Variants in SHISA9 observed in about 807,000 individuals in gnomAD.
SHISA9 encodes protein shisa-9.
Under a neutral mutation model 38.0 loss-of-function variants are expected in SHISA9, and 13 were observed. The ratio of observed to expected loss-of-function variants is 0.34; its 90% CI spans 0.22 to 0.54. SHISA9 has a LOEUF of 0.54. SHISA9 is among the 20% of genes least tolerant of loss of function. SHISA9 has a pLI of 0.91. For synonymous variants in SHISA9, 275 were observed against 242.0 expected (o/e 1.14, Z -1.27); for missense variants, 538 against 575.8 (o/e 0.93, Z 0.67).
chr16:13,243,367 A>G (rs528646013), downstream of SHISA9, among the ~76,000 whole-genome samples: 6 of 152,272 alleles, frequency 3.9e-5, no homozygotes, highest in African/African-American at 1.4e-4. Context: ...TATACATTTT[A>G]GGGAGACATG....
At chr16:13,555,368 T>A in the SHISA9 span, among the ~76,000 whole-genome samples, 3 of 152,174 alleles carry the variant, frequency 2.0e-5, no homozygotes, top group African/African-American at 7.2e-5. Context: ...AAAGATGGTA[T>A]AACCTTCCTC....
At chr16:13,140,883 G>A (rs2050396369) in intron 2 of SHISA9, among the ~76,000 whole-genome samples, 1 of 152,184 alleles carries the variant, frequency 6.6e-6, no homozygotes, top group Non-Finnish European at 1.5e-5. Flanking sequence ...AAGTCACAGA[G>A]CATGTCTGGC....
the SHISA9 span, among the ~76,000 whole-genome samples, chr16:13,373,997 C>T: frequency 2.0e-5 from 3 of 152,114 alleles, no homozygotes; most frequent in African/African-American, 7.2e-5. Flanking sequence ...TGGTAATGAT[C>T]ACTTGGGGAA....
the SHISA9 span, among the ~76,000 whole-genome samples, chr16:13,560,641 G>T: frequency 0.11 from 16,848 of 151,636 alleles, 1,083 homozygotes; most frequent in Middle Eastern, 0.17. Flanking sequence ...TAGGGATACA[G>T]AGGTGAAAAA....
intron 2 of SHISA9, among the ~76,000 whole-genome samples, chr16:13,070,123 CGTGTGTGTGT>C (rs55824636): frequency 6.9e-5 from 10 of 145,720 alleles, no homozygotes; most frequent in Non-Finnish European, 1.1e-4. Flanking sequence ...CTTTAAAGTA[CGTGTGTGTGT>C]GTGTGTGTGT....
chr16:13,405,534 T>G, the SHISA9 span, among the ~76,000 whole-genome samples: 2 of 152,336 alleles, frequency 1.3e-5, no homozygotes, highest in African/African-American at 4.8e-5. Flanking sequence ...CCTAGGTATA[T>G]TGCATGATGC....
rs143502254 is a variant in SHISA9 at position 13,031,460 on chromosome 16, G to C, written c.691+114645G>C. ...GCCAGTATGATACAGGCACCAACCAGTAACTGTGCAAAGGCTTATATTTCA... is the reference window on the plus strand; with the variant it reads ...GCCAGTATGATACAGGCACCAACCACTAACTGTGCAAAGGCTTATATTTCA... On this transcript the variant is annotated intron_variant, in intron 2 of 4. Coordinates refer to ENST00000558583, the MANE Select transcript of SHISA9 (RefSeq NM_001145204.3). Among the ~76,000 whole-genome samples the C allele has an allele frequency of 2.1e-3, 325 of 152,282 alleles. 1 individual carries two copies. The highest frequency in any genetic ancestry group is 7.3e-3 in the African/African-American group (303 of 41,552).
At chr16:13,260,732 C>T in the SHISA9 span, among the ~76,000 whole-genome samples, 1 of 152,186 alleles carries the variant, frequency 6.6e-6, no homozygotes, top group South Asian at 2.1e-4. Flanking sequence ...CAACTTCTGC[C>T]TGTTACTCCG....
chr16:13,200,537 A>G (rs1351794887), intron 2 of SHISA9, among the ~76,000 whole-genome samples: 1 of 152,118 alleles, frequency 6.6e-6, no homozygotes. Flanking sequence ...GGCTGGCCTG[A>G]CATGCCCAGG....
At chr16:13,076,700 C>T (rs1191995945) in intron 2 of SHISA9, among the ~76,000 whole-genome samples, 1 of 152,200 alleles carries the variant, frequency 6.6e-6, no homozygotes, top group Non-Finnish European at 1.5e-5. Flanking sequence ...GGTGAGCTTC[C>T]TGAAGCTTCA....
chr16:13,304,893 A>G, the SHISA9 span, among the ~76,000 whole-genome samples: 1 of 152,210 alleles, frequency 6.6e-6, no homozygotes, highest in Non-Finnish European at 1.5e-5. Flanking sequence ...AGCACAAAGA[A>G]CTGAAGGTGG....
At position 13,238,460 on chromosome 16, in the gene SHISA9, G is replaced by T. The variant is rs902399338; in HGVS notation, c.*3051G>T. 1 of 152,036 alleles carries T rather than the reference G, an allele frequency of 6.6e-6. No homozygotes were observed. Among genetic ancestry groups the T allele is most frequent in the Non-Finnish European group, 1.5e-5 (1 of 68,030 alleles). 9.4% of individuals were successfully genotyped at this position (152,036 alleles called of 1,614,324 possible). ...TTGCTCTTTGCCCCCAGTCCACTTC[G>T]TCCCACCCTTATCTCAACTCTGATT... On this transcript the variant is annotated 3_prime_UTR_variant, in exon 5 of 5. Transcript: ENST00000558583.
intron 2 of SHISA9, among the ~76,000 whole-genome samples, chr16:13,082,808 C>T (rs1233795588): frequency 1.3e-5 from 2 of 152,170 alleles, no homozygotes; most frequent in East Asian, 3.8e-4. Context: ...GCCCAAGAGC[C>T]ACTCCTTAAA....
the SHISA9 span, among the ~76,000 whole-genome samples, chr16:13,529,943 A>G: frequency 1.3e-5 from 2 of 152,206 alleles, no homozygotes; most frequent in East Asian, 3.9e-4. Flanking sequence ...GCAGCCAATG[A>G]GACAAGAGCA....
chr16:13,081,664 C>G (rs115301649), intron 2 of SHISA9, among the ~76,000 whole-genome samples: 48 of 151,956 alleles, frequency 3.2e-4, no homozygotes, highest in African/African-American at 1.1e-3. Flanking sequence ...AGGAATGGAT[C>G]TCAGGATATT....
chr16:13,174,148 C>G (rs1202636863), intron 2 of SHISA9, among the ~76,000 whole-genome samples: 3 of 152,162 alleles, frequency 2.0e-5, no homozygotes, highest in East Asian at 3.8e-4. Context: ...ACACCTCTGG[C>G]TTGTATAAAC....
chr16:12,960,965 G>A (rs1274402182), intron 2 of SHISA9, among the ~76,000 whole-genome samples: 2 of 152,040 alleles, frequency 1.3e-5, no homozygotes, highest in Non-Finnish European at 2.9e-5. Context: ...TGGGAGTGGT[G>A]GGGGGCAGAC....
chr16:13,166,814 G>A (rs896346854), intron 2 of SHISA9, among the ~76,000 whole-genome samples: 12 of 152,104 alleles, frequency 7.9e-5, no homozygotes, highest in Non-Finnish European at 1.5e-4. Flanking sequence ...CAGGGAAGAA[G>A]AGGAGGCAGT....
intron 2 of SHISA9, among the ~76,000 whole-genome samples, chr16:12,980,466 AT>A (rs2072225636): frequency 6.6e-6 from 1 of 152,050 alleles, no homozygotes; most frequent in Non-Finnish European, 1.5e-5. Context: ...CATCAAGATA[AT>A]TTCTTTCTTT....
Sources: gnomAD v4.1 joint callset for allele counts (sites outside exome capture counted in the v4.1 genomes callset) on GRCh38, gnomAD v4.1.1 for gene constraint, MANE v1.5 for transcripts, NCBI Gene and HGNC (gene_info 2026-07-23, HGNC 2026-07-21) for gene names.